SLC23A2: variants seen among roughly 807,000 people sequenced by gnomAD.
The protein encoded by SLC23A2 is Na(+)/L-ascorbic acid transporter 2.
SLC23A2 carries 36 observed loss-of-function variants against 73.3 expected under a neutral mutation model. That is an observed-to-expected ratio of 0.49 (90% CI 0.38 to 0.65). SLC23A2 has a LOEUF of 0.65. Ranked by LOEUF, SLC23A2 falls within the 30% of genes least tolerant of loss-of-function variation. The pLI is 0.00. For synonymous variants in SLC23A2, 343 were observed against 327.3 expected (o/e 1.05, Z -0.52); for missense variants, 507 against 841.6 (o/e 0.60, Z 4.92).
chr20:4,914,122 C>T (rs1932248193), intron 3 of SLC23A2, among the ~76,000 whole-genome samples: 1 of 150,962 alleles, frequency 6.6e-6, no homozygotes, highest in Non-Finnish European at 1.5e-5. Flanking sequence ...GTGAAATACA[C>T]TAAAAGCAAG....
intron 6 of SLC23A2, among the ~76,000 whole-genome samples, chr20:4,893,070 C>T (rs1478484835): frequency 7.0e-6 from 1 of 143,562 alleles, no homozygotes; most frequent in African/African-American, 2.5e-5. Flanking sequence ...TGCAACTTTA[C>T]TTTTTTTTTT....
chr20:4,932,921 A>C (rs1366502964), intron 2 of SLC23A2, among the ~76,000 whole-genome samples: 1 of 152,166 alleles, frequency 6.6e-6, no homozygotes, highest in Non-Finnish European at 1.5e-5. Context: ...CCCACTAGAG[A>C]GGGGGACCAC....
rs1488391529 is a variant in SLC23A2, at chr20:4,855,304, C to T, written c.*1668G>A. 1.3e-5 allele frequency: 2 copies of T among 152,278 alleles called. No individual in the cohort carries two copies. Among genetic ancestry groups the T allele is most frequent in the African/African-American group, 4.8e-5 (2 of 41,436 alleles). 9.4% of individuals were successfully genotyped at this position (152,278 alleles called of 1,614,324 possible). Reference sequence around the variant, plus strand: ...GGGGCCGAGGGGGACAGGAATGCACCGTGTGGACACCAGGCTGCCAAGAAC... The same window carrying T: ...GGGGCCGAGGGGGACAGGAATGCACTGTGTGGACACCAGGCTGCCAAGAAC... On this transcript the variant is annotated 3_prime_UTR_variant, in exon 17 of 17. Coordinates refer to ENST00000338244, the MANE Select transcript of SLC23A2 (RefSeq NM_005116.6).
Position 4,998,830 on chromosome 20 carries a change from A to G in SLC23A2, c.-282+2576T>C, listed in dbSNP as rs1316069746. 6.8e-6 allele frequency among the ~76,000 whole-genome samples: 1 copy of G among 147,168 alleles called. No individual in the cohort carries two copies. Among genetic ancestry groups the G allele is most frequent in the Non-Finnish European group, 1.5e-5 (1 of 67,078 alleles). ...CTTTTTTTTTTTTTTTTTAGGAGAC[A>G]GTCTCACTCTGTCACCCAGGCTGGA... On this transcript the variant is annotated intron_variant, in intron 1 of 16. Transcript: ENST00000338244. The surrounding 1 kb of genome is among the most constrained non-coding windows in gnomAD (Gnocchi z 4.1).
At chr20:5,008,125 C>T (rs1346511046) in intron 1 of SLC23A2, among the ~76,000 whole-genome samples, 1 of 152,040 alleles carries the variant, frequency 6.6e-6, no homozygotes, top group African/African-American at 2.4e-5. Flanking sequence ...GGTCAGGCTG[C>T]TCTCGAACTC....
chr20:4,943,518 CAG>C (rs1232990350), intron 2 of SLC23A2, among the ~76,000 whole-genome samples: 1 of 149,048 alleles, frequency 6.7e-6, no homozygotes, highest in Non-Finnish European at 1.5e-5. Context: ...AAAAAAAAAA[CAG>C]AAAAATTAGC....
chr20:5,000,254 G>A (rs2088096193), intron 1 of SLC23A2, among the ~76,000 whole-genome samples: 1 of 152,144 alleles, frequency 6.6e-6, no homozygotes, highest in African/African-American at 2.4e-5. Flanking sequence ...AAAGGCAGGT[G>A]TAGACAACCA....
At chr20:4,865,312 A>C (rs1403663596) in intron 13 of SLC23A2, among the ~76,000 whole-genome samples, 1 of 152,226 alleles carries the variant, frequency 6.6e-6, no homozygotes, top group Non-Finnish European at 1.5e-5. Context: ...CTGTTCCTAG[A>C]AATAAACTAA....
chr20:4,933,583 C>A (rs549419779), intron 2 of SLC23A2, among the ~76,000 whole-genome samples: 1 of 151,934 alleles, frequency 6.6e-6, no homozygotes, highest in South Asian at 2.1e-4. Flanking sequence ...GAGCCAAGAT[C>A]GCATCACTGC....
chr20:4,892,791 T>C (rs941048373), intron 6 of SLC23A2, among the ~76,000 whole-genome samples: 1 of 152,002 alleles, frequency 6.6e-6, no homozygotes, highest in African/African-American at 2.4e-5. Flanking sequence ...CTGGAATCTT[T>C]TTAAAAAGAT....
At chr20:5,006,974 T>TGCGC (rs947642741) in intron 1 of SLC23A2, among the ~76,000 whole-genome samples, 7 of 140,106 alleles carry the variant, frequency 5.0e-5, no homozygotes, top group African/African-American at 1.9e-4. Flanking sequence ...TGTGTGTGTG[T>TGCGC]GTGCGTGCGT....
At chr20:4,891,591 A>G (rs749552400) in intron 6 of SLC23A2, among the ~76,000 whole-genome samples, 16 of 152,070 alleles carry the variant, frequency 1.1e-4, no homozygotes, top group Non-Finnish European at 2.4e-4. Flanking sequence ...GCCCTGCTAC[A>G]CTCATCAGGT....
intron 13 of SLC23A2, among the ~76,000 whole-genome samples, chr20:4,865,863 C>T (rs915510955): frequency 7.9e-5 from 12 of 151,990 alleles, no homozygotes; most frequent in African/African-American, 1.5e-4. Context: ...GTCAGAGTCT[C>T]GCTCTGTCAC....
intron 11 of SLC23A2, among the ~76,000 whole-genome samples, chr20:4,870,866 A>G (rs1403665040): frequency 6.6e-6 from 1 of 152,248 alleles, no homozygotes; most frequent in Non-Finnish European, 1.5e-5. Context: ...GTCCTTCTCT[A>G]CTATAATACC....
chr20:4,894,504 T>A (rs1358443799), intron 6 of SLC23A2, among the ~76,000 whole-genome samples: 1 of 152,196 alleles, frequency 6.6e-6, no homozygotes, highest in African/African-American at 2.4e-5. Context: ...TCTCAGCCAG[T>A]CAGCCTTGGG....
chr20:4,870,303 A>G (rs115869924), intron 11 of SLC23A2, among the ~76,000 whole-genome samples: 2,082 of 152,248 alleles, frequency 0.014, 51 homozygotes, highest in African/African-American at 0.048. Context: ...TCGTAGCCGG[A>G]TGCGGTGGCT....
chr20:4,943,928 G>A (rs1397419172), intron 2 of SLC23A2, among the ~76,000 whole-genome samples: 1 of 152,112 alleles, frequency 6.6e-6, no homozygotes, highest in Non-Finnish European at 1.5e-5. Context: ...CACGAGACAT[G>A]CAGTCTGATT....
chr20:4,885,957 G>A (rs373369467), intron 6 of SLC23A2, 48 bp from the exon 7 acceptor site: 27 of 1,239,696 alleles, frequency 2.2e-5, no homozygotes, highest in Non-Finnish European at 3.2e-5. Context: ...GGGAACTACC[G>A]AGGTAGTTCA....
intron 3 of SLC23A2, among the ~76,000 whole-genome samples, chr20:4,930,845 G>T (rs575103626): frequency 6.6e-6 from 1 of 151,778 alleles, no homozygotes; most frequent in Non-Finnish European, 1.5e-5. Flanking sequence ...GTTCAAGTTA[G>T]GGTTGGTGGC....
Sources: allele counts gnomAD v4.1 joint callset (sites outside exome capture counted in the v4.1 genomes callset), GRCh38; gene constraint gnomAD v4.1.1; non-coding constraint Gnocchi (gnomAD v3.1); transcripts MANE v1.5; gene names NCBI Gene and HGNC (gene_info 2026-07-23, HGNC 2026-07-21).